BRD4: variants seen among roughly 807,000 people sequenced by gnomAD.
The protein encoded by BRD4 is bromodomain-containing protein 4.
Under a neutral mutation model 142.1 loss-of-function variants are expected in BRD4, and 16 were observed. That is an observed-to-expected ratio of 0.11 (90% CI 0.08 to 0.17). The LOEUF (loss-of-function observed/expected upper bound fraction) is 0.17, where lower values mean the gene tolerates loss of function less well. BRD4 is among the 10% of genes least tolerant of loss of function. BRD4 has a pLI of 1.00. For missense variants in BRD4, 1,424 were observed against 1,810.9 expected (o/e 0.79, Z 3.88); for synonymous variants, 833 against 707.5 (o/e 1.18, Z -2.82).
intron 1 of BRD4, among the ~76,000 whole-genome samples, chr19:15,303,505 G>T (rs1406665769): frequency 2.0e-5 from 3 of 152,152 alleles, no homozygotes; most frequent in African/African-American, 7.2e-5. Flanking sequence ...GAGAAAAGTA[G>T]CCTTAAACAG....
In BRD4 at chr19:15,239,270, G is replaced by A. The variant is rs200491118; in HGVS notation, c.3577-6C>T. 8.2e-5 allele frequency: 133 copies of A among 1,613,120 alleles called. No homozygotes were observed. The highest frequency in any genetic ancestry group is 1.1e-4 in the Non-Finnish European group (131 of 1,179,582). On this transcript the variant is annotated splice_polypyrimidine_tract_variant and splice_region_variant and intron_variant, in intron 17 of 19. Coordinates refer to ENST00000679869, the MANE Select transcript of BRD4 (RefSeq NM_001379291.1). The surrounding 1 kb of genome is among the most constrained non-coding windows in gnomAD (Gnocchi z 7.4). ...ATGTTCTTGATTTTCAGGTCCTGCA[G>A]AACAGAGAGGTTGGGGTGGGTGAGG...
chr19:15,305,306 T>A (rs868286267), intron 1 of BRD4, among the ~76,000 whole-genome samples: 8 of 152,296 alleles, frequency 5.3e-5, no homozygotes, highest in South Asian at 4.1e-4. Flanking sequence ...GCTACCCAAG[T>A]GCTGGGATTA....
intron 3 of BRD4, 83 bp from the exon 4 acceptor site, chr19:15,267,634 C>CA: frequency 1.3e-6 from 2 of 1,498,300 alleles, no homozygotes; most frequent in East Asian, 4.5e-5. Context: ...CCACCCACCC[C>CA]CTGCCCCCAA....
At chr19:15,292,264 A>AGAGCT (rs113150719) in intron 1 of BRD4, among the ~76,000 whole-genome samples, 2,141 of 152,304 alleles carry the variant, frequency 0.014, 40 homozygotes, top group African/African-American at 0.048. Context: ...CAAAAACAAA[A>AGAGCT]GAGCTTCATT....
chr19:15,290,055 G>A (rs2047770429), intron 1 of BRD4, among the ~76,000 whole-genome samples: 2 of 152,268 alleles, frequency 1.3e-5, no homozygotes, highest in South Asian at 4.1e-4. Flanking sequence ...ACTGCCTTAG[G>A]CTTAAGGGTA....
chr19:15,286,831 G>A (rs1237893613), intron 1 of BRD4, among the ~76,000 whole-genome samples: 3 of 152,078 alleles, frequency 2.0e-5, no homozygotes, highest in Non-Finnish European at 4.4e-5. Context: ...TCATTTCCTC[G>A]GTAGCACTAG....
Position 15,239,937 on chromosome 19 carries a change from G to C in BRD4, c.3255C>G (p.Pro1085=). Residue 1085 remains proline, a synonymous_variant, in exon 15 of 20, where the codon CCC becomes CCG. Transcript: ENST00000679869. The surrounding 1 kb of genome is among the most constrained non-coding windows in gnomAD (Gnocchi z 7.4). ...GTTTCTTAGGCTGGACGTTTTGCTGGGGTGGAGACTGGTGGGTCAGGCTCT... is the reference window on the plus strand; with the variant it reads ...GTTTCTTAGGCTGGACGTTTTGCTGCGGTGGAGACTGGTGGGTCAGGCTCT... ...QFQSLTHQSP[P]QQNVQPKKQE... 6.2e-7 allele frequency: 1 copy of C among 1,614,134 alleles called. No homozygotes were observed. Among genetic ancestry groups the C allele is most frequent in the Non-Finnish European group, 8.5e-7 (1 of 1,180,040 alleles).
intron 1 of BRD4, among the ~76,000 whole-genome samples, chr19:15,287,936 T>A (rs1408692449): frequency 6.6e-6 from 1 of 152,056 alleles, no homozygotes; most frequent in Non-Finnish European, 1.5e-5. Context: ...GTCTGGCTAA[T>A]TTCTGTATTT....
chr19:15,331,977 G>A (rs981886493), intron 1 of BRD4: 4 of 119,748 alleles, frequency 3.3e-5, no homozygotes, highest in Non-Finnish European at 7.1e-5. Context: ...CCCCGCCGCG[G>A]CGCCCGCGCC....
chr19:15,244,325 G>A lies in BRD4; in HGVS notation c.2487C>T (p.His829=). The A allele has an allele frequency of 1.9e-6, 3 of 1,600,328 alleles. No homozygotes were observed. Among genetic ancestry groups the A allele is most frequent in the African/African-American group, 2.7e-5 (2 of 74,900 alleles). ...PIGHFTQPIL[H]LPQPELPPHL... is the part of the protein sequence containing the mutation. Reference sequence around the variant, plus strand: ...GAGGGGGCAGCTCAGGCTGCGGCAGGTGCAGGATGGGCTGGGTGAAGTGGC... The same window carrying A: ...GAGGGGGCAGCTCAGGCTGCGGCAGATGCAGGATGGGCTGGGTGAAGTGGC... The change falls in exon 13 of 20, where the codon CAC becomes CAT. Residue 829 remains histidine, a synonymous_variant. Transcript: ENST00000679869.
Position 15,265,418 on chromosome 19 carries a change from G to C in BRD4, c.785C>G (p.Ala262Gly), listed in dbSNP as rs2047521587. The C allele has an allele frequency of 1.9e-6, 3 of 1,550,786 alleles. No homozygotes were observed. Among genetic ancestry groups the C allele is most frequent in the Non-Finnish European group, 2.6e-6 (3 of 1,148,942 alleles). ...GCTCTGTACGGGCTGGGGAGCTGGA[G>C]CGGGTGGGGGTTGTGGCTGGGGGGG... is the stretch of plus-strand genomic sequence containing the variant. ...PVPPQPQPPP[A>G]PAPQPVQSHP... The change falls in exon 5 of 20, where the codon GCT (alanine) becomes GGT (glycine). Residue 262 changes from alanine (A) to glycine (G), a missense_variant. By Grantham distance (60) the Ala-to-Gly change is moderately conservative (BLOSUM62 0). Coordinates refer to ENST00000679869, the MANE Select transcript of BRD4 (RefSeq NM_001379291.1).
At chr19:15,302,438 C>A (rs574814685) in intron 1 of BRD4, among the ~76,000 whole-genome samples, 24 of 152,110 alleles carry the variant, frequency 1.6e-4, no homozygotes, top group African/African-American at 5.5e-4. Flanking sequence ...AGTTCGGCCA[C>A]GCACGGTGGC....
chr19:15,296,508 G>A (rs2047824155), intron 1 of BRD4, among the ~76,000 whole-genome samples: 1 of 152,164 alleles, frequency 6.6e-6, no homozygotes, highest in Non-Finnish European at 1.5e-5. Flanking sequence ...TAGCCACGAT[G>A]GTCAGCCACA....
chr19:15,326,117 A>T (rs1417562292), intron 1 of BRD4, among the ~76,000 whole-genome samples: 1 of 151,036 alleles, frequency 6.6e-6, no homozygotes, highest in Non-Finnish European at 1.5e-5. Flanking sequence ...CAGCCAGTTA[A>T]AACGAAACAT....
chr19:15,267,557 T>C lies in BRD4; in HGVS notation c.424-6A>G, dbSNP rs1483773093. ...AAGACTATGTCATCTCCAGGCTGGA[T>C]AAGGAGACACAGGGGTAGAGTCAGA... On this transcript the variant is annotated splice_region_variant and splice_polypyrimidine_tract_variant and intron_variant, in intron 3 of 19. Transcript: ENST00000679869. 2 of 1,612,544 alleles carry C rather than the reference T, an allele frequency of 1.2e-6. No homozygotes were observed. Among genetic ancestry groups the C allele is most frequent in the African/African-American group, 1.3e-5 (1 of 75,014 alleles).
At chr19:15,240,070 T>C (rs770767105) in intron 14 of BRD4, 48 bp from the exon 15 acceptor site, 26 of 1,557,840 alleles carry the variant, frequency 1.7e-5, no homozygotes, top group Non-Finnish European at 2.3e-5. Context: ...TTAGAACTGC[T>C]GGCCCTGAGA....
chr19:15,265,443 G>A lies in BRD4; in HGVS notation c.760C>T (p.Pro254Ser), dbSNP rs754706245. The change falls in exon 5 of 20, where the codon CCC becomes TCC. Residue 254 changes from proline to serine, a missense_variant. Pro to Ser is a moderately conservative substitution (Grantham distance 74). Coordinates refer to ENST00000679869, the MANE Select transcript of BRD4 (RefSeq NM_001379291.1). ...PQPLQTPPPVPPQPQPPPAPA... is the reference protein window; with the variant it reads ...PQPLQTPPPVSPQPQPPPAPA... ...GCGGGTGGGGGTTGTGGCTGGGGGGGCACTGGCGGGGGCGTCTGCAGTGGC... is the reference window on the plus strand; with the variant it reads ...GCGGGTGGGGGTTGTGGCTGGGGGGACACTGGCGGGGGCGTCTGCAGTGGC... The A allele has an allele frequency of 2.4e-5, 32 of 1,335,504 alleles. No individual in the cohort carries two copies. Among genetic ancestry groups the A allele is most frequent in the Non-Finnish European group, 3.2e-5 (30 of 942,090 alleles). The allele number at this position is 1,335,504 out of a possible 1,614,324, so 82.7% of individuals were successfully genotyped here.
At chr19:15,256,377 G>A (rs2047408988) in intron 8 of BRD4, 114 bp from the exon 9 acceptor site, 1 of 1,346,752 alleles carries the variant, frequency 7.4e-7, no homozygotes, top group Non-Finnish European at 1.0e-6. Flanking sequence ...GGGCATCAGG[G>A]TGTGGGCATA....
intron 4 of BRD4, among the ~76,000 whole-genome samples, chr19:15,266,058 C>T (rs11671719): frequency 0.17 from 25,332 of 152,248 alleles, 2,207 homozygotes; most frequent in Middle Eastern, 0.2. Flanking sequence ...CAGTAGCCGC[C>T]CTTGCCAAGG....
Sources: allele counts gnomAD v4.1 joint callset (sites outside exome capture counted in the v4.1 genomes callset), GRCh38; gene constraint gnomAD v4.1.1; non-coding constraint Gnocchi (gnomAD v3.1); transcripts MANE v1.5; gene names NCBI Gene and HGNC (gene_info 2026-07-23, HGNC 2026-07-21).